Variants in ANXA7 observed in about 807,000 individuals in gnomAD.
The protein encoded by ANXA7 is annexin A7, also known as annexin VII.
A neutral mutation model predicts 64.9 loss-of-function variants in ANXA7; 55 were observed. That is an observed-to-expected ratio of 0.85 (90% CI 0.68 to 1.06). The LOEUF (loss-of-function observed/expected upper bound fraction) is 1.06. Among genes scored for constraint, ANXA7 ranks in the 50% least tolerant of loss-of-function variants. ANXA7 has a pLI of 0.00. For missense variants in ANXA7, 548 were observed against 582.1 expected (o/e 0.94, Z 0.60); for synonymous variants, 200 against 192.4 (o/e 1.04, Z -0.33).
At chr10:73,403,324 AC>A (rs1365541281) in intron 1 of ANXA7, among the ~76,000 whole-genome samples, 1 of 152,100 alleles carries the variant, frequency 6.6e-6, no homozygotes, top group African/African-American at 2.4e-5. Context: ...CCTCATCTCT[AC>A]AAAAAGTAAA....
chr10:73,401,905 T>C (rs1045176985), intron 1 of ANXA7, among the ~76,000 whole-genome samples: 1 of 152,246 alleles, frequency 6.6e-6, no homozygotes, highest in Non-Finnish European at 1.5e-5. Context: ...TATTTTTCTT[T>C]AAGCCAATTT....
intron 7 of ANXA7, among the ~76,000 whole-genome samples, chr10:73,386,890 G>A (rs2055381398): frequency 6.6e-6 from 1 of 152,086 alleles, no homozygotes; most frequent in Admixed American, 6.5e-5. Context: ...GCCCAGGCTG[G>A]TCCTGAACTC....
chr10:73,387,950 C>G (rs145724335), intron 6 of ANXA7, among the ~76,000 whole-genome samples, 167 bp from the exon 7 acceptor site: 2 of 149,892 alleles, frequency 1.3e-5, no homozygotes, highest in African/African-American at 4.9e-5. Flanking sequence ...CTCCCAGGTT[C>G]AAGCAATTCT....
At chr10:73,387,187 G>A (rs2055387906) in intron 7 of ANXA7, among the ~76,000 whole-genome samples, 1 of 152,158 alleles carries the variant, frequency 6.6e-6, no homozygotes, top group Non-Finnish European at 1.5e-5. Flanking sequence ...GTATGATTAT[G>A]AGATCAAGGA....
intron 9 of ANXA7, among the ~76,000 whole-genome samples, chr10:73,382,893 TAC>T (rs1183342493): frequency 6.6e-6 from 1 of 152,138 alleles, no homozygotes. Flanking sequence ...AGCTCAAATG[TAC>T]AGTTTCATCC....
At chr10:73,384,905 A>C (rs1217097189) in intron 7 of ANXA7, among the ~76,000 whole-genome samples, 1 of 152,110 alleles carries the variant, frequency 6.6e-6, no homozygotes, top group Non-Finnish European at 1.5e-5. Flanking sequence ...GTAAGAAGGA[A>C]CACCACCAAG....
chr10:73,400,309 G>C (rs371407612), intron 2 of ANXA7, among the ~76,000 whole-genome samples: 4 of 151,900 alleles, frequency 2.6e-5, no homozygotes, highest in African/African-American at 9.7e-5. Flanking sequence ...ATTTATCTCT[G>C]GGTCTAGCCA....
chr10:73,399,809 A>C (rs1271671487), intron 2 of ANXA7, among the ~76,000 whole-genome samples: 1 of 151,106 alleles, frequency 6.6e-6, no homozygotes, highest in Non-Finnish European at 1.5e-5. Flanking sequence ...TGACAGAGCG[A>C]GACTCCATCT....
chr10:73,396,057 T>G, intron 5 of ANXA7: 6 of 1,591,114 alleles, frequency 3.8e-6, no homozygotes, highest in Non-Finnish European at 5.2e-6. Flanking sequence ...ACTGCTATAA[T>G]CCAAAGAAAC....
Position 73,396,517 on chromosome 10 carries a change from A to G in ANXA7, c.435+2T>C, listed in dbSNP as rs2055578061. ...TGAGCTTAAAAGGTAGGAACAAAAT[A>G]CCTGACTAGGGTAAGTAGGTTGTCC... is the stretch of plus-strand genomic sequence containing the variant. On this transcript the variant is annotated splice_donor_variant, in intron 5 of 12. Transcript: ENST00000372921. LOFTEE classifies it high-confidence loss of function. The G allele has an allele frequency of 1.2e-6, 2 of 1,607,402 alleles. No individual in the cohort carries two copies. The highest frequency in any genetic ancestry group is 1.3e-5 in the African/African-American group (1 of 74,680).
intron 1 of ANXA7, among the ~76,000 whole-genome samples, chr10:73,413,523 T>C (rs1378059378): frequency 6.6e-6 from 1 of 152,216 alleles, no homozygotes; most frequent in Non-Finnish European, 1.5e-5. Flanking sequence ...TTCCAAGAAC[T>C]GTAAACGAGA....
intron 11 of ANXA7, 116 bp downstream of exon 11, chr10:73,379,763 A>T: frequency 1.0e-6 from 1 of 984,424 alleles, no homozygotes; most frequent in Non-Finnish European, 1.6e-6. Flanking sequence ...GGATTAGATC[A>T]GCTACTGCCT....
intron 6 of ANXA7, 45 bp downstream of exon 6, chr10:73,388,267 G>C (rs1239715023): frequency 5.0e-6 from 7 of 1,398,662 alleles, no homozygotes; most frequent in Non-Finnish European, 7.1e-6. Flanking sequence ...CTTTAGAACT[G>C]ATTACTTTAA....
chr10:73,378,889 AAAAG>A lies in ANXA7; in HGVS notation c.1278+18_1278+21del. 2 of 1,578,872 alleles carry A rather than the reference AAAAG, an allele frequency of 1.3e-6. No homozygotes were observed. Among genetic ancestry groups the A allele is most frequent in the Non-Finnish European group, 8.7e-7 (1 of 1,148,860 alleles). ...ATTGAACATCAAGTAAGACCCGACA[AAAAG>A]AGAGAGGCCTGCCTCACCTCACTTC... On this transcript the variant is annotated intron_variant, in intron 12 of 12. Coordinates refer to ENST00000372921, the MANE Select transcript of ANXA7 (RefSeq NM_001156.5).
chr10:73,411,907 G>A (rs1020314750), intron 1 of ANXA7, among the ~76,000 whole-genome samples: 1 of 151,824 alleles, frequency 6.6e-6, no homozygotes, highest in East Asian at 1.9e-4. Flanking sequence ...TGCATAGTGT[G>A]CTGCCATTAT....
At chr10:73,380,677 A>G (rs2055261712) in intron 9 of ANXA7, among the ~76,000 whole-genome samples, 1 of 152,174 alleles carries the variant, frequency 6.6e-6, no homozygotes, top group African/African-American at 2.4e-5. Flanking sequence ...TGTCAACTGG[A>G]TTTTATAATA....
At chr10:73,383,428 C>A in intron 8 of ANXA7, 83 bp from the exon 9 acceptor site, 1 of 1,398,000 alleles carries the variant, frequency 7.2e-7, no homozygotes. Context: ...TTTCTTTGTT[C>A]TGTAGAACTA....
chr10:73,401,054 C>A (rs761376031), intron 1 of ANXA7, among the ~76,000 whole-genome samples, 197 bp from the exon 2 acceptor site: 1 of 151,756 alleles, frequency 6.6e-6, no homozygotes, highest in Admixed American at 6.6e-5. Flanking sequence ...TACAGGTGCA[C>A]GCCACCATGC....
chr10:73,412,320 C>A (rs71471625), intron 1 of ANXA7, among the ~76,000 whole-genome samples: 2,815 of 152,282 alleles, frequency 0.018, 37 homozygotes, highest in Non-Finnish European at 0.027. Context: ...CAGGCGACAG[C>A]CACTGCGCCC....
Sources: gnomAD v4.1 joint callset for allele counts (sites outside exome capture counted in the v4.1 genomes callset) on GRCh38, gnomAD v4.1.1 for gene constraint, MANE v1.5 for transcripts, NCBI Gene and HGNC (gene_info 2026-07-23, HGNC 2026-07-21) for gene names.